Variants in GTF2H2 observed in about 807,000 individuals in gnomAD.
The protein encoded by GTF2H2 is general transcription factor IIH subunit 2, also known as TFIIH basal transcription factor complex p44 subunit.
In GTF2H2, 2 loss-of-function variants were observed where a neutral mutation model predicts 16.5. That is an observed-to-expected ratio of 0.12 (90% CI 0.05 to 0.38). GTF2H2 has a LOEUF of 0.38. Ranked by LOEUF, GTF2H2 falls within the 10% of genes least tolerant of loss-of-function variation. The probability of loss-of-function intolerance (pLI) is 0.99; values close to 1 mark genes in which losing one functional copy is unlikely to be tolerated. For missense variants in GTF2H2, 20 were observed against 137.0 expected (o/e 0.15, Z 4.26); for synonymous variants, 8 against 44.1 (o/e 0.18, Z 3.24).
intron 8 of GTF2H2, among the ~76,000 whole-genome samples, chr5:71,052,231 G>A (rs1466697874): frequency 2.2e-5 from 3 of 138,476 alleles, no homozygotes; most frequent in African/African-American, 5.7e-5. Flanking sequence ...GCAATGGCGC[G>A]ATCTCGGCTC....
intron 1 of GTF2H2, among the ~76,000 whole-genome samples, chr5:71,064,411 TAATCCCTGC>T (rs1211320938): frequency 4.6e-5 from 3 of 64,750 alleles, no homozygotes; most frequent in Non-Finnish European, 1.1e-4. Context: ...TCCATCCCTG[TAATCCCTGC>T]ACTTTTGAGA....
intron 8 of GTF2H2, 117 bp downstream of exon 8, chr5:71,055,235 T>G: frequency 9.6e-7 from 1 of 1,036,880 alleles, no homozygotes; most frequent in Admixed American, 3.0e-5. Flanking sequence ...ACTACATAAT[T>G]CTTGTACTTA....
intron 8 of GTF2H2, among the ~76,000 whole-genome samples, chr5:71,054,751 G>GTGTGTA (rs1297498366): frequency 1.5e-4 from 19 of 126,986 alleles, no homozygotes; most frequent in African/African-American, 5.0e-4. Flanking sequence ...GTGTGTGTGT[G>GTGTGTA]TATATATATA....
intron 8 of GTF2H2, chr5:71,050,380 C>T (rs1752616665): frequency 1.1e-5 from 1 of 88,488 alleles, no homozygotes; most frequent in African/African-American, 1.2e-4. Context: ...GCGGAGCTTA[C>T]AGTGAGCCAA....
At chr5:71,050,864 TGAGA>T (rs1752652499) in intron 8 of GTF2H2, among the ~76,000 whole-genome samples, 1 of 83,168 alleles carries the variant, frequency 1.2e-5, no homozygotes, top group Non-Finnish European at 2.4e-5. Flanking sequence ...TTTTTTGTTT[TGAGA>T]CTGATTCTTG....
At chr5:71,058,623 A>G (rs200711135) in intron 7 of GTF2H2, 1 of 105,060 alleles carries the variant, frequency 9.5e-6, no homozygotes, top group East Asian at 2.6e-4. Flanking sequence ...GAATTGGCCC[A>G]CCTTTGAACA....
In GTF2H2 at chr5:71,036,494, A is replaced by C. The variant is rs1444171220; in HGVS notation, c.1069-698T>G. Among the ~76,000 whole-genome samples the C allele has an allele frequency of 4.5e-5, 4 of 89,886 alleles. 2 individuals carry two copies. The highest frequency in any genetic ancestry group is 9.6e-5 in the Non-Finnish European group (4 of 41,752). The allele number at this position is 89,886 out of a possible 152,430, so 59.0% of individuals were successfully genotyped here. ...CAAATGAGGCCGGGTGTAGTGACTC[A>C]CACCTGTAATCCCAGCACTTTGGGA... On this transcript the variant is annotated intron_variant, in intron 15 of 15. Transcript: ENST00000274400.
chr5:71,044,307 C>T lies in GTF2H2; in HGVS notation c.821+1137G>A, dbSNP rs770227300. ...CTCCTCACACAAAAGGGCTGATCAA[C>T]GCTCAGCTGCTGACTCATGAGCAAG... On this transcript the variant is annotated intron_variant, in intron 12 of 15. Transcript: ENST00000274400. 5.2e-3 allele frequency among the ~76,000 whole-genome samples: 195 copies of T among 37,622 alleles called. 3 individuals are homozygous for T. The highest frequency in any genetic ancestry group is 5.6e-3 in the Non-Finnish European group (109 of 19,612). 24.7% of individuals were successfully genotyped at this position (37,622 alleles called of 152,430 possible).
chr5:71,063,628 A>G (rs1159684287), intron 1 of GTF2H2, among the ~76,000 whole-genome samples: 1 of 121,530 alleles, frequency 8.2e-6, no homozygotes, highest in Non-Finnish European at 1.7e-5. Context: ...AGCACTATCC[A>G]AAATAGCAAA....
rs1171209880 is a variant in GTF2H2 at position 71,036,602 on chromosome 5, C to CA, written c.1069-807dup. Among the ~76,000 whole-genome samples, 2 of 78,172 alleles carry CA rather than the reference C, an allele frequency of 2.6e-5. 1 individual carries two copies. Among genetic ancestry groups the CA allele is most frequent in the Non-Finnish European group, 5.3e-5 (2 of 37,752 alleles). 51.3% of individuals were successfully genotyped at this position (78,172 alleles called of 152,430 possible). Reference sequence around the variant, plus strand: ...TGAAACCCAGTCTCTACTAAAAATACAAAAATTGGCTGGGCATGGTGGTGC... The same window carrying CA: ...TGAAACCCAGTCTCTACTAAAAATACAAAAAATTGGCTGGGCATGGTGGTGC... On this transcript the variant is annotated intron_variant, in intron 15 of 15. Coordinates refer to ENST00000274400, the Ensembl canonical transcript of GTF2H2.
exon 8 of GTF2H2, chr5:71,055,409 G>C: frequency 1.3e-6 from 2 of 1,575,952 alleles, no homozygotes; most frequent in Non-Finnish European, 1.7e-6. Flanking sequence ...TCCATGGCAG[G>C]TCATATCCAC....
rs553308455 is a variant in GTF2H2 at position 71,053,350 on chromosome 5, T to A, written c.470+2002A>T. On this transcript the variant is annotated intron_variant, in intron 8 of 15. Coordinates refer to ENST00000274400, the Ensembl canonical transcript of GTF2H2. ...GGGAGAGAGACTGGAAAACAGCCAG[T>A]TGGTGGAGCACTCAGAACACACGTA... Among the ~76,000 whole-genome samples the A allele has an allele frequency of 2.1e-3, 297 of 142,308 alleles. 8 individuals carry two copies. The highest frequency in any genetic ancestry group is 7.7e-3 in the African/African-American group (289 of 37,528). The allele number at this position is 142,308 out of a possible 152,430, so 93.4% of individuals were successfully genotyped here.
intron 1 of GTF2H2, among the ~76,000 whole-genome samples, chr5:71,063,249 CA>C (rs1202581457): frequency 8.9e-5 from 8 of 90,148 alleles, no homozygotes; most frequent in Non-Finnish European, 1.6e-4. Context: ...GCTCATAATT[CA>C]AAAAAAAAGG....
At chr5:71,052,915 A>ATT (rs1241503525) in intron 8 of GTF2H2, among the ~76,000 whole-genome samples, 510 of 44,004 alleles carry the variant, frequency 0.012, 27 homozygotes, top group Non-Finnish European at 0.015. Flanking sequence ...TGCCTGGCTA[A>ATT]TTTTTTTTTT....
At chr5:71,047,308 AG>A (rs1368583320) in intron 11 of GTF2H2, 1 of 140,930 alleles carries the variant, frequency 7.1e-6, no homozygotes. Flanking sequence ...TAGTAGAGAC[AG>A]GGTTTCGCCA....
At chr5:71,055,114 T>C (rs1753108277) in intron 8 of GTF2H2, 5 of 335,458 alleles carry the variant, frequency 1.5e-5, no homozygotes, top group Admixed American at 4.6e-5. Context: ...TTTTGTACTA[T>C]TGATACTGCC....
chr5:71,059,378 G>A (rs1753507088), intron 7 of GTF2H2: 3 of 92,046 alleles, frequency 3.3e-5, no homozygotes, highest in African/African-American at 4.9e-5. Context: ...GACAGAGCAA[G>A]ACTCCATCTC....
rs370789554 is a variant in GTF2H2, at chr5:71,055,337, A to G, written c.470+15T>C. 3 of 1,563,812 alleles carry G rather than the reference A, an allele frequency of 1.9e-6. No homozygotes were observed. The highest frequency in any genetic ancestry group is 1.5e-5 in the African/African-American group (1 of 68,668). On this transcript the variant is annotated intron_variant, in intron 8 of 15. Coordinates refer to ENST00000274400, the Ensembl canonical transcript of GTF2H2. ...AAAACTTCTAATTCAATTATACATA[A>G]TGTATAATACTAACTTTAGAGTCTG...
chr5:71,036,294 C>A lies in GTF2H2; in HGVS notation c.1069-498G>T, dbSNP rs1377834657. On this transcript the variant is annotated intron_variant, in intron 15 of 15. Coordinates refer to ENST00000274400, the Ensembl canonical transcript of GTF2H2. ...CAGAAAGGAAAAAACTACATTTGTT[C>A]TTTCAGCATTACATATACGAGTACT... is the stretch of plus-strand genomic sequence containing the variant. Among the ~76,000 whole-genome samples, 2 of 87,536 alleles carry A rather than the reference C, an allele frequency of 2.3e-5. 1 individual carries two copies. Among genetic ancestry groups the A allele is most frequent in the African/African-American group, 7.8e-5 (2 of 25,518 alleles). The allele number at this position is 87,536 out of a possible 152,430, so 57.4% of individuals were successfully genotyped here.
Sources: allele counts gnomAD v4.1 joint callset (sites outside exome capture counted in the v4.1 genomes callset), GRCh38; gene constraint gnomAD v4.1.1; transcripts MANE v1.5; gene names NCBI Gene and HGNC (gene_info 2026-07-23, HGNC 2026-07-21).